The following MARCHF1 variants were observed in gnomAD, a reference collection of about 807,000 sequenced individuals.
MARCHF1 encodes the protein membrane associated ring-CH-type finger 1, also known as E3 ubiquitin-protein ligase MARCHF1.
MARCHF1 carries 40 observed loss-of-function variants against 54.2 expected under a neutral mutation model. That is an observed-to-expected ratio of 0.74 (90% CI 0.57 to 0.96). MARCHF1 has a LOEUF of 0.96. Among genes scored for constraint, MARCHF1 ranks in the 40% least tolerant of loss-of-function variants. The pLI is 0.00. For synonymous variants in MARCHF1, 236 were observed against 236.3 expected, an observed-to-expected ratio of 1.00 and a Z score of 0.01; for missense variants, 586 against 656.5, an observed-to-expected ratio of 0.89 and a Z score of 1.17.
intron 1 of MARCHF1, among the ~76,000 whole-genome samples, chr4:164,180,262 T>A (rs1560942140): frequency 6.6e-6 from 1 of 152,052 alleles, no homozygotes; most frequent in Non-Finnish European, 1.5e-5. Flanking sequence ...GTAATAAATA[T>A]AGAGTTATTA....
chr4:163,577,042 G>A (rs142752698), intron 8 of MARCHF1, among the ~76,000 whole-genome samples: 1 of 152,018 alleles, frequency 6.6e-6, no homozygotes, highest in East Asian at 1.9e-4. Context: ...TTTAAGTGGG[G>A]CATTTAGACC....
At chr4:164,168,754 C>T (rs939683066) in intron 1 of MARCHF1, among the ~76,000 whole-genome samples, 1 of 151,990 alleles carries the variant, frequency 6.6e-6, no homozygotes. Flanking sequence ...CCAACCTTAT[C>T]CACAGTTGAA....
At chr4:163,717,175 T>C (rs563468296) in intron 4 of MARCHF1, among the ~76,000 whole-genome samples, 1 of 128,792 alleles carries the variant, frequency 7.8e-6, no homozygotes, top group Non-Finnish European at 1.6e-5. Flanking sequence ...GGCCCCAGTG[T>C]GTGATGTTCC....
At chr4:163,787,265 A>G (rs912275775) in intron 4 of MARCHF1, among the ~76,000 whole-genome samples, 1 of 151,778 alleles carries the variant, frequency 6.6e-6, no homozygotes, top group Non-Finnish European at 1.5e-5. Flanking sequence ...AAGCATCAAA[A>G]TGGACAATCA....
At chr4:163,750,379 C>T (rs1434242125) in intron 4 of MARCHF1, among the ~76,000 whole-genome samples, 1 of 151,022 alleles carries the variant, frequency 6.6e-6, no homozygotes, top group African/African-American at 2.4e-5. Flanking sequence ...GGTGTGGTGG[C>T]AGGCAGCTGT....
chr4:164,294,136 C>A (rs1185425144), intron 1 of MARCHF1, among the ~76,000 whole-genome samples: 1 of 152,240 alleles, frequency 6.6e-6, no homozygotes, highest in Non-Finnish European at 1.5e-5. Context: ...TGGACTTACA[C>A]ACCAGTGGTT....
At chr4:163,895,583 G>A (rs1362824862) in intron 3 of MARCHF1, among the ~76,000 whole-genome samples, 1 of 152,156 alleles carries the variant, frequency 6.6e-6, no homozygotes, top group Non-Finnish European at 1.5e-5. Context: ...AGTGTGGGTG[G>A]AGGCAGAAAG....
rs549217884 is a variant in MARCHF1 at position 163,893,146 on chromosome 4, A to T, written c.-38-38977T>A. 3.3e-4 allele frequency among the ~76,000 whole-genome samples: 50 copies of T among 151,860 alleles called. No homozygotes were observed. The East Asian group carries it at 9.5e-3, about 29-fold the overall frequency. ...GACCCAACCTTACATACTTTAAAAA[A>T]AATTTTTTTTTGAGATGGAGTCTCA... On this transcript the variant is annotated intron_variant, in intron 3 of 9. Coordinates refer to ENST00000514618, the MANE Select transcript of MARCHF1 (RefSeq NM_001394959.1).
chr4:164,179,919 G>A (rs1404301445), intron 1 of MARCHF1, among the ~76,000 whole-genome samples: 2 of 149,396 alleles, frequency 1.3e-5, no homozygotes, highest in Non-Finnish European at 3.0e-5. Flanking sequence ...TTGAATACTG[G>A]CTAAATGTTT....
chr4:163,774,458 G>A (rs1019524734), intron 4 of MARCHF1, among the ~76,000 whole-genome samples: 2 of 149,594 alleles, frequency 1.3e-5, no homozygotes, highest in Admixed American at 6.7e-5. Context: ...AGCTGATATT[G>A]ACAAATGCAA....
At chr4:164,233,435 G>A (rs1732468946) in intron 1 of MARCHF1, among the ~76,000 whole-genome samples, 1 of 152,072 alleles carries the variant, frequency 6.6e-6, no homozygotes, top group Admixed American at 6.6e-5. Flanking sequence ...CTAAGATATT[G>A]CCACTGACTA....
intron 2 of MARCHF1, among the ~76,000 whole-genome samples, chr4:164,030,842 G>A (rs1054993465): frequency 1.3e-5 from 2 of 152,074 alleles, no homozygotes; most frequent in African/African-American, 4.8e-5. Context: ...TAGAGTGGTG[G>A]ATTGAAAATG....
intron 8 of MARCHF1, among the ~76,000 whole-genome samples, chr4:163,578,514 T>C (rs973671841): frequency 1.3e-5 from 2 of 152,168 alleles, no homozygotes; most frequent in African/African-American, 4.8e-5. Flanking sequence ...TTCCCAATTC[T>C]CTCCCCAGTA....
chr4:164,160,659 G>C (rs559482006), intron 1 of MARCHF1, among the ~76,000 whole-genome samples: 10 of 152,278 alleles, frequency 6.6e-5, no homozygotes, highest in Admixed American at 1.3e-4. Context: ...AAGAGGTACA[G>C]CATGATACAA....
intron 8 of MARCHF1, among the ~76,000 whole-genome samples, chr4:163,557,010 A>G (rs1171297851): frequency 1.3e-5 from 2 of 152,154 alleles, no homozygotes; most frequent in African/African-American, 4.8e-5. Context: ...ATTCTCAAAG[A>G]AATCGGAGAC....
chr4:163,966,476 A>T (rs1411143851), intron 3 of MARCHF1, among the ~76,000 whole-genome samples: 1 of 152,106 alleles, frequency 6.6e-6, no homozygotes, highest in Admixed American at 6.6e-5. Context: ...CATTTATTGA[A>T]CTAGATGCTC....
intron 3 of MARCHF1, among the ~76,000 whole-genome samples, chr4:163,934,147 GAGA>G (rs1393605292): frequency 6.6e-6 from 1 of 152,140 alleles, no homozygotes; most frequent in East Asian, 1.9e-4. Flanking sequence ...TTGTTATTTA[GAGA>G]TTTGGACCAC....
At chr4:164,002,463 T>C (rs189753817) in intron 2 of MARCHF1, among the ~76,000 whole-genome samples, 284 of 151,784 alleles carry the variant, frequency 1.9e-3, no homozygotes, top group African/African-American at 6.7e-3. Flanking sequence ...TCAAATTAGA[T>C]GTTACAGAAA....
At chr4:164,222,404 A>G (rs2111155610) in intron 1 of MARCHF1, among the ~76,000 whole-genome samples, 1 of 152,150 alleles carries the variant, frequency 6.6e-6, no homozygotes, top group South Asian at 2.1e-4. Flanking sequence ...TGAAAGAAAT[A>G]TATTTTGTGT....
Sources: gnomAD v4.1 joint callset for allele counts (sites outside exome capture counted in the v4.1 genomes callset) on GRCh38, gnomAD v4.1.1 for gene constraint, MANE v1.5 for transcripts, NCBI Gene and HGNC (gene_info 2026-07-23, HGNC 2026-07-21) for gene names.